POU6F2: variants seen among roughly 807,000 people sequenced by gnomAD.
POU6F2 encodes the protein POU class 6 homeobox 2.
Under a neutral mutation model 71.3 loss-of-function variants are expected in POU6F2, and 31 were observed. That is an observed-to-expected ratio of 0.43 (90% CI 0.33 to 0.59). The LOEUF (loss-of-function observed/expected upper bound fraction) is 0.59. Among genes scored for constraint, POU6F2 ranks in the 20% least tolerant of loss-of-function variants. POU6F2 has a pLI of 0.04. For synonymous variants in POU6F2, 347 were observed against 355.7 expected, an observed-to-expected ratio of 0.98 and a Z score of 0.27; for missense variants, 783 against 856.8, an observed-to-expected ratio of 0.91 and a Z score of 1.07.
intron 1 of POU6F2, among the ~76,000 whole-genome samples, chr7:39,016,309 C>T (rs546496278): frequency 2.0e-5 from 3 of 149,506 alleles, no homozygotes; most frequent in African/African-American, 7.4e-5. Context: ...CACTGTGAGC[C>T]AAGTAGGGTT....
chr7:39,041,855 C>G (rs1790199929), intron 1 of POU6F2, among the ~76,000 whole-genome samples: 1 of 151,846 alleles, frequency 6.6e-6, no homozygotes, highest in African/African-American at 2.4e-5. Context: ...GCTTCCATTC[C>G]CACCCAAAGA....
At chr7:39,093,695 C>T (rs1187675766) in intron 2 of POU6F2, among the ~76,000 whole-genome samples, 7 of 151,964 alleles carry the variant, frequency 4.6e-5, no homozygotes, top group Admixed American at 1.3e-4. Flanking sequence ...TTTGTGAAAG[C>T]CAAGAAATTC....
At position 39,464,847 on chromosome 7, in the gene POU6F2, G is replaced by A. The variant is rs1789032384; in HGVS notation, c.*161G>A. 1.3e-5 allele frequency: 13 copies of A among 977,804 alleles called. No individual in the cohort carries two copies. Among genetic ancestry groups the A allele is most frequent in the Non-Finnish European group, 1.8e-5 (12 of 685,202 alleles). 60.6% of individuals were successfully genotyped at this position (977,804 alleles called of 1,614,324 possible). A position where few individuals can be genotyped will look rare whatever the true frequency, so the allele number is the denominator to read the frequency against. On this transcript the variant is annotated 3_prime_UTR_variant, in exon 10 of 10. Transcript: ENST00000518318. This position sits in a 1 kb window ranked among gnomAD's most constrained non-coding sequence, Gnocchi z 4.1. The stretch of plus-strand genomic sequence containing the variant: ...GACTAAGAAAACTACCAAGTGGACA[G>A]AATGGTTTCTACATGTCCGTTGGTT...
At chr7:39,329,368 G>A (rs534942583) in intron 4 of POU6F2, among the ~76,000 whole-genome samples, 30 of 151,668 alleles carry the variant, frequency 2.0e-4, no homozygotes, top group Non-Finnish European at 3.7e-4. Context: ...TTGCTCCATG[G>A]AAATTCATAG....
intron 1 of POU6F2, among the ~76,000 whole-genome samples, chr7:39,066,919 A>G (rs1040189795): frequency 6.8e-6 from 1 of 148,024 alleles, no homozygotes; most frequent in Non-Finnish European, 1.5e-5. Flanking sequence ...TCATATTATT[A>G]TAACATATTA....
At chr7:39,316,299 G>A (rs939547149) in intron 4 of POU6F2, among the ~76,000 whole-genome samples, 1 of 152,122 alleles carries the variant, frequency 6.6e-6, no homozygotes, top group Non-Finnish European at 1.5e-5. Flanking sequence ...CACTGGCAGG[G>A]ACTTAGTGTT....
intron 5 of POU6F2, among the ~76,000 whole-genome samples, chr7:39,380,016 T>C (rs1438110559): frequency 6.6e-6 from 1 of 152,184 alleles, no homozygotes; most frequent in East Asian, 1.9e-4. Context: ...TTTTTTATGC[T>C]CTCCTGTTTT....
chr7:39,279,000 A>G (rs1245872575), intron 4 of POU6F2, among the ~76,000 whole-genome samples: 1 of 152,070 alleles, frequency 6.6e-6, no homozygotes, highest in Non-Finnish European at 1.5e-5. Flanking sequence ...TACAGCCTTA[A>G]TCCCAACTCT....
intron 5 of POU6F2, among the ~76,000 whole-genome samples, chr7:39,385,374 G>A (rs188132245): frequency 1.3e-5 from 2 of 152,338 alleles, no homozygotes; most frequent in African/African-American, 4.8e-5. Flanking sequence ...GAGGGAGGAA[G>A]TAAAGATGAA....
At chr7:39,122,631 T>C (rs893725780) in intron 2 of POU6F2, among the ~76,000 whole-genome samples, 4 of 152,176 alleles carry the variant, frequency 2.6e-5, no homozygotes, top group Non-Finnish European at 5.9e-5. Flanking sequence ...ACTGCTATCT[T>C]AACCTGCTTA....
intron 2 of POU6F2, among the ~76,000 whole-genome samples, chr7:39,121,284 C>T (rs1351425415): frequency 1.3e-5 from 2 of 152,190 alleles, no homozygotes; most frequent in Non-Finnish European, 2.9e-5. Flanking sequence ...ATAATATCTT[C>T]CTCAGATGAT....
Position 39,009,984 on chromosome 7 carries a change from C to T in POU6F2, c.105+31926C>T, listed in dbSNP as rs1432549706. On this transcript the variant is annotated intron_variant, in intron 1 of 9. Transcript: ENST00000518318. The stretch of plus-strand genomic sequence containing the variant: ...ATCAAGGATACTGGTCTAAAATTCT[C>T]TTTTTTGGTTGTGTCTCTGCCAGGC... Among the ~76,000 whole-genome samples, 17 of 151,808 alleles carry T rather than the reference C, an allele frequency of 1.1e-4. No individual in the cohort carries two copies. In the East Asian group the frequency reaches 1.7e-3, roughly 16 times the overall value.
At chr7:39,227,800 G>A (rs956662482) in intron 4 of POU6F2, among the ~76,000 whole-genome samples, 5 of 151,984 alleles carry the variant, frequency 3.3e-5, no homozygotes, top group East Asian at 1.9e-4. Flanking sequence ...CTCATGATCT[G>A]CCTGCCTCGG....
intron 2 of POU6F2, among the ~76,000 whole-genome samples, chr7:39,105,210 C>T (rs1309095365): frequency 6.6e-6 from 1 of 152,134 alleles, no homozygotes; most frequent in African/African-American, 2.4e-5. Context: ...ATACATTTCT[C>T]TTTGGTAATA....
intron 5 of POU6F2, among the ~76,000 whole-genome samples, chr7:39,353,244 C>T (rs367807242): frequency 3.5e-4 from 53 of 152,254 alleles, no homozygotes; most frequent in African/African-American, 1.2e-3. Flanking sequence ...AGAAACCTAC[C>T]GGAACTTGTA....
intron 1 of POU6F2, among the ~76,000 whole-genome samples, chr7:39,066,643 A>G (rs1790759746): frequency 6.6e-6 from 1 of 151,356 alleles, no homozygotes; most frequent in East Asian, 1.9e-4. Flanking sequence ...TCCTGATAAT[A>G]ATAAAATAAA....
intron 4 of POU6F2, among the ~76,000 whole-genome samples, chr7:39,220,997 A>G (rs1794343888): frequency 1.3e-5 from 2 of 152,300 alleles, no homozygotes; most frequent in South Asian, 4.1e-4. Flanking sequence ...ATGTGTTGAA[A>G]TGATATTTTG....
intron 4 of POU6F2, among the ~76,000 whole-genome samples, chr7:39,324,545 C>G (rs977216847): frequency 2.6e-5 from 4 of 152,212 alleles, no homozygotes; most frequent in South Asian, 2.1e-4. Context: ...GTAAACTGTA[C>G]TGGGATGTTG....
intron 6 of POU6F2, among the ~76,000 whole-genome samples, chr7:39,415,455 A>T (rs2115934597): frequency 6.6e-6 from 1 of 152,378 alleles, no homozygotes; most frequent in East Asian, 1.9e-4. Flanking sequence ...CAATTAACTA[A>T]TGAAGCAACC....
Sources: gnomAD v4.1 joint callset for allele counts (sites outside exome capture counted in the v4.1 genomes callset) on GRCh38, gnomAD v4.1.1 for gene constraint, Gnocchi (gnomAD v3.1) non-coding constraint, MANE v1.5 for transcripts, NCBI Gene and HGNC (gene_info 2026-07-23, HGNC 2026-07-21) for gene names.